The following ERAP2 variants were observed in gnomAD, a reference collection of about 807,000 sequenced individuals.
ERAP2 encodes leukocyte-derived arginine aminopeptidase.
In ERAP2, 118 loss-of-function variants were observed where a neutral mutation model predicts 111.1. The ratio of observed to expected loss-of-function variants is 1.06; its 90% CI spans 0.92 to 1.24. ERAP2 has a LOEUF of 1.24. Among genes scored for constraint, ERAP2 ranks in the 50% most tolerant of loss-of-function variants. The probability of loss-of-function intolerance (pLI) is 0.00; values close to 1 mark genes in which losing one functional copy is unlikely to be tolerated. For missense variants in ERAP2, 1,131 were observed against 1,125.8 expected (o/e 1.00, Z -0.07); for synonymous variants, 410 against 401.2 (o/e 1.02, Z -0.26).
chr5:96,890,477 C>T (rs1784225421), intron 5 of ERAP2, among the ~76,000 whole-genome samples: 1 of 152,194 alleles, frequency 6.6e-6, no homozygotes, highest in South Asian at 2.1e-4. Flanking sequence ...TTGACAGGTA[C>T]TGGTCCGCAG....
At position 96,903,565 on chromosome 5, in the gene ERAP2, G is replaced by T. The variant is rs374938195; in HGVS notation, c.2012+5G>T. Reference sequence around the variant, plus strand: ...TGATGTGTTTCAGCTAGTTGGGTAAGGCAACATTTCCTCTGACTTCATGCA... The same window carrying T: ...TGATGTGTTTCAGCTAGTTGGGTAATGCAACATTTCCTCTGACTTCATGCA... On this transcript the variant is annotated splice_donor_5th_base_variant and intron_variant, in intron 13 of 18. Transcript: ENST00000437043. 15 of 1,586,578 alleles carry T rather than the reference G, an allele frequency of 9.5e-6. No homozygotes were observed. In the African/African-American group the frequency reaches 1.8e-4, roughly 19 times the overall value.
At chr5:96,905,944 A>T (rs1220285508) in intron 13 of ERAP2, among the ~76,000 whole-genome samples, 1 of 139,600 alleles carries the variant, frequency 7.2e-6, no homozygotes, top group East Asian at 2.0e-4. Flanking sequence ...TTTCTTTTTA[A>T]TTTTTTTTTT....
Position 96,903,568 on chromosome 5 carries a change from A to AAC in ERAP2, c.2012+10_2012+11dup. ...TGTGTTTCAGCTAGTTGGGTAAGGC[A>AAC]ACATTTCCTCTGACTTCATGCAAAA... On this transcript the variant is annotated intron_variant, in intron 13 of 18. Transcript: ENST00000437043. The AAC allele has an allele frequency of 6.3e-7, 1 of 1,585,994 alleles. No individual in the cohort carries two copies. Among genetic ancestry groups the AAC allele is most frequent in the East Asian group, 2.3e-5 (1 of 44,396 alleles).
At chr5:96,911,005 A>G (rs1786672941) in intron 15 of ERAP2, among the ~76,000 whole-genome samples, 1 of 152,242 alleles carries the variant, frequency 6.6e-6, no homozygotes, top group African/African-American at 2.4e-5. Context: ...AACAATATGT[A>G]TTATAATTAT....
chr5:96,901,139 C>T (rs251342), intron 10 of ERAP2, among the ~76,000 whole-genome samples: 75,898 of 151,886 alleles, frequency 0.5, 19,142 homozygotes, highest in Middle Eastern at 0.57. Flanking sequence ...CGTAAACCAC[C>T]CCTCCTGGAT....
intron 7 of ERAP2, among the ~76,000 whole-genome samples, chr5:96,895,859 G>T (rs60561288): frequency 0.039 from 6,001 of 152,172 alleles, 365 homozygotes; most frequent in African/African-American, 0.14. Context: ...ATATCAAGGT[G>T]GTTAGTAATG....
At chr5:96,916,435 A>G (rs939289566) in intron 18 of ERAP2, among the ~76,000 whole-genome samples, 6 of 139,072 alleles carry the variant, frequency 4.3e-5, no homozygotes, top group Admixed American at 4.3e-4. Flanking sequence ...TAACAAAACT[A>G]TTGTTGGTAA....
intron 15 of ERAP2, among the ~76,000 whole-genome samples, chr5:96,911,917 C>T (rs1183310235): frequency 2.8e-5 from 4 of 143,110 alleles, no homozygotes; most frequent in Non-Finnish European, 6.1e-5. Context: ...TGGCCGGGCG[C>T]GGTGGCTCAC....
chr5:96,896,828 GC>G lies in ERAP2; in HGVS notation c.1469del (p.Ala490ValfsTer15). The stretch of plus-strand genomic sequence containing the variant: ...CTTAAAGAAGTTCAGCTATAGAAAT[GC>G]TAAGAATGATGACTTGTGGAGCAGT... ...QYLKKFSYRN[A>X]KNDDLWSSLS... is the part of the protein sequence containing the mutation. On this transcript the variant is annotated frameshift_variant, in exon 9 of 19. Transcript: ENST00000437043. LOFTEE classifies it high-confidence loss of function. 8.1e-7 allele frequency: 1 copy of G among 1,238,366 alleles called. No individual in the cohort carries two copies. Among genetic ancestry groups the G allele is most frequent in the Non-Finnish European group, 1.0e-6 (1 of 968,144 alleles). 76.7% of individuals were successfully genotyped at this position (1,238,366 alleles called of 1,614,324 possible).
chr5:96,888,564 A>G (rs893689845), intron 4 of ERAP2, among the ~76,000 whole-genome samples: 2 of 152,230 alleles, frequency 1.3e-5, no homozygotes, highest in African/African-American at 4.8e-5. Flanking sequence ...TTTCTGCATA[A>G]AAGTTTTGAA....
intron 13 of ERAP2, among the ~76,000 whole-genome samples, chr5:96,907,357 G>A (rs954805804): frequency 6.6e-6 from 1 of 152,168 alleles, no homozygotes; most frequent in Non-Finnish European, 1.5e-5. Context: ...ATAAAAGTAA[G>A]TATTTTTAAT....
chr5:96,913,271 T>C (rs1425133859), intron 16 of ERAP2, 46 bp from the exon 17 acceptor site: 1 of 1,517,818 alleles, frequency 6.6e-7, no homozygotes, highest in Non-Finnish European at 9.1e-7. Flanking sequence ...AATGTCCATG[T>C]ACATAATACC....
Position 96,909,661 on chromosome 5 carries a change from C to T in ERAP2, c.2251C>T (p.Arg751Cys), listed in dbSNP as rs150892504. ...GGGCTCAGTCTGGGACAGGATGCTC[C>T]GCTCGGCTCTCTTGAAGCTGGCCTG... ...DKGSVWDRML[R>C]SALLKLACDL... The change falls in exon 15 of 19, where the codon CGC (arginine) becomes TGC (cysteine). Residue 751 changes from arginine to cysteine, a missense_variant. Coordinates refer to ENST00000437043, the MANE Select transcript of ERAP2 (RefSeq NM_022350.5). The T allele has an allele frequency of 3.3e-3, 5,352 of 1,614,168 alleles. 34 individuals are homozygous for T. The highest frequency in any genetic ancestry group is 0.016 in the South Asian group (1,435 of 91,082).
At chr5:96,898,760 C>G (rs1380489706) in intron 9 of ERAP2, among the ~76,000 whole-genome samples, 1 of 151,726 alleles carries the variant, frequency 6.6e-6, no homozygotes, top group Middle Eastern at 3.2e-3. Context: ...AACAAACAAA[C>G]AAACAAAAAA....
rs1786722857 is a variant in ERAP2, at chr5:96,911,393, C to A, written c.2355-1244C>A. ...TTGGGATTAAAAAGTCATATGCCCA[C>A]TTAGAATAAAAACTGGTTAATGTCC... On this transcript the variant is annotated intron_variant, in intron 15 of 18. Coordinates refer to ENST00000437043, the MANE Select transcript of ERAP2 (RefSeq NM_022350.5). Among the ~76,000 whole-genome samples the A allele has an allele frequency of 3.9e-5, 6 of 152,126 alleles. No individual in the cohort carries two copies. The South Asian group carries it at 1.2e-3, about 32-fold the overall frequency.
chr5:96,908,873 T>C, intron 13 of ERAP2, 88 bp from the exon 14 acceptor site: 1 of 1,334,868 alleles, frequency 7.5e-7, no homozygotes, highest in Non-Finnish European at 1.0e-6. Flanking sequence ...CTTCTGTTAT[T>C]GTTCTCTATT....
chr5:96,896,997 A>G, intron 9 of ERAP2, 134 bp downstream of exon 9: 1 of 245,198 alleles, frequency 4.1e-6, no homozygotes, highest in Non-Finnish European at 5.6e-6. Context: ...CATGGTCTAT[A>G]GAAGGCAGCA....
rs748545337 is a variant in ERAP2 at position 96,909,779 on chromosome 5, C to T, written c.2354+15C>T. On this transcript the variant is annotated intron_variant, in intron 15 of 18. Transcript: ENST00000437043. ...GGAAAATTAAAGTAGATGTAGACTT[C>T]TGTCCTACCCTTTGTTCTTTTCTCT... 1.9e-6 allele frequency: 3 copies of T among 1,609,572 alleles called. No individual in the cohort carries two copies. The highest frequency in any genetic ancestry group is 2.5e-6 in the Non-Finnish European group (3 of 1,176,524).
chr5:96,878,111 G>A (rs548946214), intron 1 of ERAP2, among the ~76,000 whole-genome samples: 3 of 152,244 alleles, frequency 2.0e-5, no homozygotes, highest in East Asian at 3.9e-4. Context: ...AATTTTATAT[G>A]TGTTGTAGCT....
Sources: allele counts gnomAD v4.1 joint callset (sites outside exome capture counted in the v4.1 genomes callset), GRCh38; gene constraint gnomAD v4.1.1; transcripts MANE v1.5; gene names NCBI Gene and HGNC (gene_info 2026-07-23, HGNC 2026-07-21).